Variants in DIP2C observed in about 807,000 individuals in gnomAD.
DIP2C encodes disco-interacting protein 2 homolog C.
In DIP2C, 33 loss-of-function variants were observed where a neutral mutation model predicts 192.4. That is an observed-to-expected ratio of 0.17 (90% CI 0.13 to 0.23). DIP2C has a LOEUF of 0.23. DIP2C is among the 10% of genes least tolerant of loss of function. The pLI is 1.00. For synonymous variants in DIP2C, 979 were observed against 864.1 expected (o/e 1.13, Z -2.33); for missense variants, 1,537 against 2,110.1 (o/e 0.73, Z 5.32).
At chr10:404,127 T>A (rs1964625046) in intron 9 of DIP2C, among the ~76,000 whole-genome samples, 1 of 152,194 alleles carries the variant, frequency 6.6e-6, no homozygotes, top group Non-Finnish European at 1.5e-5. Context: ...CTCTTCCTTA[T>A]GGACAAGTTT....
At chr10:580,112 T>C (rs1472109627) in intron 1 of DIP2C, among the ~76,000 whole-genome samples, 1 of 152,174 alleles carries the variant, frequency 6.6e-6, no homozygotes, top group Non-Finnish European at 1.5e-5. Context: ...TGTACATAGG[T>C]ATAACATCTA....
Position 329,577 on chromosome 10 carries a change from G to C in DIP2C, c.3609C>G (p.Ile1203Met). 6.2e-7 allele frequency: 1 copy of C among 1,614,160 alleles called. No homozygotes were observed. Among genetic ancestry groups the C allele is most frequent in the Non-Finnish European group, 8.5e-7 (1 of 1,180,024 alleles). Residue 1203 changes from isoleucine (I) to methionine (M), a missense_variant, in exon 30 of 37, where the codon ATC (isoleucine) becomes ATG (methionine). Transcript: ENST00000280886. ...TTTCCAGCTCAGAGGGCGGGATCAG[G>C]ATGGACTGGTGCCCAGAATACACAC... The part of the protein sequence containing the change: ...LCSVYSGHQS[I>M]LIPPSELETN...
intron 6 of DIP2C, among the ~76,000 whole-genome samples, chr10:418,832 A>ATTCCTACAACATTTACATTT (rs1200283133): frequency 1.3e-5 from 2 of 152,256 alleles, no homozygotes. Context: ...TCATGACTAA[A>ATTCCTACAACATTTACATTT]TTCCTACAAC....
intron 1 of DIP2C, among the ~76,000 whole-genome samples, chr10:671,109 C>A (rs1440613586): frequency 6.6e-6 from 1 of 152,258 alleles, no homozygotes; most frequent in Non-Finnish European, 1.5e-5. Flanking sequence ...GTGGCTATGA[C>A]CCCATCCCTG....
chr10:288,052 C>T (rs1327427767), intron 33 of DIP2C, among the ~76,000 whole-genome samples: 5 of 152,128 alleles, frequency 3.3e-5, no homozygotes, highest in Admixed American at 2.6e-4. Flanking sequence ...ATGGCTGGAG[C>T]GGAAGCAGCC....
intron 1 of DIP2C, among the ~76,000 whole-genome samples, chr10:640,486 G>C (rs1855109714): frequency 6.6e-6 from 1 of 152,158 alleles, no homozygotes; most frequent in South Asian, 2.1e-4. Flanking sequence ...CCCCTCTGTT[G>C]GTTTCTTACT....
rs539182943 is a variant in DIP2C at position 495,436 on chromosome 10, A to T, written c.86-8906T>A. Among the ~76,000 whole-genome samples the T allele has an allele frequency of 2.0e-5, 3 of 152,260 alleles. No homozygotes were observed. In the South Asian group the frequency reaches 6.2e-4, roughly 32 times the overall value. On this transcript the variant is annotated intron_variant, in intron 1 of 36. Coordinates refer to ENST00000280886, the MANE Select transcript of DIP2C (RefSeq NM_014974.3). ...ATACAAATTAACTACAAGGTGAGGA[A>T]TGTGTTATTAATAGCTTGAAGGGGC...
chr10:361,865 A>C (rs1379054887), intron 22 of DIP2C, among the ~76,000 whole-genome samples: 1 of 152,132 alleles, frequency 6.6e-6, no homozygotes, highest in Non-Finnish European at 1.5e-5. Context: ...CACCCACAGA[A>C]TGTGGTGAAA....
intron 3 of DIP2C, among the ~76,000 whole-genome samples, chr10:471,686 G>A (rs1200742234): frequency 6.6e-6 from 1 of 152,142 alleles, no homozygotes; most frequent in Non-Finnish European, 1.5e-5. Context: ...TTTTAAAGAA[G>A]CAACTTTAAC....
chr10:329,185 G>C (rs1320324604), intron 30 of DIP2C, among the ~76,000 whole-genome samples: 1 of 152,208 alleles, frequency 6.6e-6, no homozygotes, highest in Non-Finnish European at 1.5e-5. Flanking sequence ...CTTTCAAGTA[G>C]ACCCAGTGGA....
At chr10:298,141 T>C (rs1271255693) in intron 32 of DIP2C, among the ~76,000 whole-genome samples, 1 of 152,162 alleles carries the variant, frequency 6.6e-6, no homozygotes, top group African/African-American at 2.4e-5. Flanking sequence ...TGTCCCAGGA[T>C]CCTACCCAGG....
chr10:335,029 G>A (rs1387979439), intron 29 of DIP2C, among the ~76,000 whole-genome samples: 2 of 152,190 alleles, frequency 1.3e-5, no homozygotes, highest in African/African-American at 4.8e-5. Flanking sequence ...GCAATGTGGG[G>A]AGAACTACCA....
intron 2 of DIP2C, among the ~76,000 whole-genome samples, chr10:473,122 T>C (rs1970767924): frequency 1.3e-5 from 2 of 152,184 alleles, no homozygotes; most frequent in Admixed American, 1.3e-4. Flanking sequence ...CGACTATGAA[T>C]CACAATTACT....
At chr10:370,233 A>G (rs1960799715) in intron 17 of DIP2C, among the ~76,000 whole-genome samples, 1 of 152,250 alleles carries the variant, frequency 6.6e-6, no homozygotes, top group Non-Finnish European at 1.5e-5. Flanking sequence ...TGTAGAATGC[A>G]TTGTGGGTCA....
At chr10:566,543 A>C (rs1849477392) in intron 1 of DIP2C, among the ~76,000 whole-genome samples, 2 of 152,260 alleles carry the variant, frequency 1.3e-5, no homozygotes, top group Admixed American at 1.3e-4. Context: ...AGATAGCAAC[A>C]CAGATGCTGC....
intron 17 of DIP2C, among the ~76,000 whole-genome samples, chr10:380,286 A>G (rs1192819077): frequency 2.7e-5 from 4 of 150,834 alleles, no homozygotes; most frequent in Non-Finnish European, 5.9e-5. Context: ...TCCCTGGATG[A>G]TGGTTAACAC....
intron 32 of DIP2C, among the ~76,000 whole-genome samples, chr10:300,060 C>T (rs749669959): frequency 2.6e-5 from 4 of 152,104 alleles, no homozygotes; most frequent in South Asian, 2.1e-4. Flanking sequence ...GCACTGCTGG[C>T]GGGAAGGTAA....
intron 1 of DIP2C, among the ~76,000 whole-genome samples, chr10:565,010 C>G (rs1364651717): frequency 6.6e-6 from 1 of 152,192 alleles, no homozygotes; most frequent in Non-Finnish European, 1.5e-5. Flanking sequence ...AGAGTAAACA[C>G]TTTTCTGGTC....
intron 1 of DIP2C, among the ~76,000 whole-genome samples, chr10:615,498 G>A (rs1257114737): frequency 6.6e-6 from 1 of 152,134 alleles, no homozygotes; most frequent in African/African-American, 2.4e-5. Context: ...ATGCAGAAGA[G>A]GGCTCAAGAC....
Sources: allele counts gnomAD v4.1 joint callset (sites outside exome capture counted in the v4.1 genomes callset), GRCh38; gene constraint gnomAD v4.1.1; transcripts MANE v1.5; gene names NCBI Gene and HGNC (gene_info 2026-07-23, HGNC 2026-07-21).